Variants in ASZ1 observed in about 807,000 individuals in gnomAD.
ASZ1 encodes the protein ankyrin repeat, SAM and basic leucine zipper domain-containing protein 1.
ASZ1 carries 67 observed loss-of-function variants against 61.8 expected under a neutral mutation model. That is an observed-to-expected ratio of 1.08 (90% CI 0.89 to 1.33). The LOEUF (loss-of-function observed/expected upper bound fraction) is 1.33. ASZ1 is among the 40% of genes most tolerant of loss of function. The pLI, the probability that ASZ1 is intolerant of heterozygous loss-of-function variation, is 0.00. For missense variants in ASZ1, 577 were observed against 554.5 expected (o/e 1.04, Z -0.41); for synonymous variants, 193 against 192.7 (o/e 1.00, Z -0.01).
chr7:117,368,456 T>C (rs1795985900), intron 11 of ASZ1, 156 bp downstream of exon 11: 7 of 1,377,228 alleles, frequency 5.1e-6, no homozygotes, highest in Non-Finnish European at 6.5e-6. Context: ...AAAGGAGTAA[T>C]ATTAAACAAA....
chr7:117,397,603 G>A (rs182890226), intron 4 of ASZ1, among the ~76,000 whole-genome samples: 10 of 152,298 alleles, frequency 6.6e-5, no homozygotes, highest in Admixed American at 6.5e-4. Flanking sequence ...CTGGAGAATA[G>A]GGTCTGAAGG....
At chr7:117,371,665 C>T (rs1440700066) in intron 10 of ASZ1, among the ~76,000 whole-genome samples, 1 of 152,014 alleles carries the variant, frequency 6.6e-6, no homozygotes, top group Non-Finnish European at 1.5e-5. Context: ...TATATAAGTA[C>T]ACTTATAACT....
chr7:117,380,140 C>A, intron 9 of ASZ1, 93 bp from the exon 10 acceptor site: 1 of 791,574 alleles, frequency 1.3e-6, no homozygotes, highest in Non-Finnish European at 2.0e-6. Flanking sequence ...GATGAATTCA[C>A]ATCTTGAAAA....
Position 117,426,908 on chromosome 7 carries a change from C to T in ASZ1, c.133G>A (p.Glu45Lys), listed in dbSNP as rs767720604. The change falls in exon 2 of 13, where the codon GAA becomes AAA. Residue 45 changes from glutamate to lysine, a missense_variant. By Grantham distance (56) the Glu-to-Lys change is moderately conservative. Transcript: ENST00000284629. ...QKLKRLLPIEEKKEKFKKAMT... is the reference protein window; with the variant it reads ...QKLKRLLPIEKKKEKFKKAMT... ...GCTTTCTTAAATTTTTCTTTCTTTT[C>T]TTCAATGGGTAATAGCCTTTTCAAT... 2.5e-6 allele frequency: 4 copies of T among 1,612,770 alleles called. No homozygotes were observed. The highest frequency in any genetic ancestry group is 3.4e-6 in the Non-Finnish European group (4 of 1,179,652).
chr7:117,411,255 C>CTA (rs539944592), intron 4 of ASZ1, among the ~76,000 whole-genome samples: 200 of 151,864 alleles, frequency 1.3e-3, no homozygotes, highest in African/African-American at 4.7e-3. Flanking sequence ...CCTAAGATAT[C>CTA]TATCATTGTT....
At chr7:117,395,448 A>T (rs1383840323) in intron 4 of ASZ1, among the ~76,000 whole-genome samples, 1 of 152,230 alleles carries the variant, frequency 6.6e-6, no homozygotes, top group African/African-American at 2.4e-5. Flanking sequence ...ATATATTTAG[A>T]TTTTTAAAAA....
chr7:117,391,754 G>T (rs1350070505), intron 4 of ASZ1, among the ~76,000 whole-genome samples: 2 of 151,996 alleles, frequency 1.3e-5, no homozygotes, highest in African/African-American at 4.8e-5. Flanking sequence ...TTTTTGCTTA[G>T]AATTGCTTTG....
intron 6 of ASZ1, among the ~76,000 whole-genome samples, chr7:117,383,575 A>G (rs1013733973): frequency 1.3e-5 from 2 of 152,024 alleles, no homozygotes; most frequent in African/African-American, 4.8e-5. Flanking sequence ...AATGAGCATG[A>G]CTAAATGTAT....
intron 10 of ASZ1, among the ~76,000 whole-genome samples, chr7:117,372,248 G>C (rs946015470): frequency 6.6e-6 from 1 of 152,294 alleles, no homozygotes; most frequent in Admixed American, 6.5e-5. Flanking sequence ...ACTAGTACCA[G>C]TCCCCCGATC....
intron 10 of ASZ1, 30 bp downstream of exon 10, chr7:117,379,908 T>G: frequency 5.0e-6 from 7 of 1,389,432 alleles, no homozygotes; most frequent in Non-Finnish European, 7.1e-6. Flanking sequence ...TTAACACTAT[T>G]AATAATATAA....
At chr7:117,410,340 G>GT (rs1398766281) in intron 4 of ASZ1, among the ~76,000 whole-genome samples, 1 of 151,688 alleles carries the variant, frequency 6.6e-6, no homozygotes, top group African/African-American at 2.4e-5. Flanking sequence ...GAAGCTTATA[G>GT]TAACAGGACT....
In ASZ1 at chr7:117,363,617, C is replaced by T. The variant is rs1206034433; in HGVS notation, c.1407G>A (p.Lys469=). The change falls in exon 13 of 13, where the codon AAG becomes AAA. Residue 469 remains lysine, a synonymous_variant. Coordinates refer to ENST00000284629, the MANE Select transcript of ASZ1 (RefSeq NM_130768.3). ...TGGATTATTTCCTCTGGAAAGTTAGCTTGCAAATGAAAAGAAGAAAACCGA... is the reference window on the plus strand; with the variant it reads ...TGGATTATTTCCTCTGGAAAGTTAGTTTGCAAATGAAAAGAAGAAAACCGA... The part of the protein sequence containing the change: ...CGFGFLLFIC[K]LTFQRK 3.1e-6 allele frequency: 5 copies of T among 1,598,898 alleles called. No individual in the cohort carries two copies. Among genetic ancestry groups the T allele is most frequent in the Non-Finnish European group, 4.3e-6 (5 of 1,173,956 alleles).
chr7:117,392,734 T>C (rs2116487082), intron 4 of ASZ1, among the ~76,000 whole-genome samples: 1 of 152,206 alleles, frequency 6.6e-6, no homozygotes, highest in East Asian at 1.9e-4. Context: ...CTGAGGAAAT[T>C]TCCTCTGTGC....
intron 4 of ASZ1, among the ~76,000 whole-genome samples, chr7:117,403,915 T>C (rs1339167730): frequency 6.6e-6 from 1 of 152,136 alleles, no homozygotes; most frequent in Non-Finnish European, 1.5e-5. Context: ...ACGAACCCTA[T>C]TGTGAACTGC....
At chr7:117,402,724 C>G (rs1263354384) in intron 4 of ASZ1, among the ~76,000 whole-genome samples, 1 of 152,180 alleles carries the variant, frequency 6.6e-6, no homozygotes, top group Non-Finnish European at 1.5e-5. Flanking sequence ...TTAAGAAGGT[C>G]TGCAACTGCT....
intron 5 of ASZ1, among the ~76,000 whole-genome samples, chr7:117,385,308 G>A (rs2116474158): frequency 6.6e-6 from 1 of 151,902 alleles, no homozygotes; most frequent in African/African-American, 2.4e-5. Flanking sequence ...TGCCCAGGCT[G>A]AAGTGCAGTG....
intron 4 of ASZ1, among the ~76,000 whole-genome samples, chr7:117,412,249 T>C (rs1796911256): frequency 6.6e-6 from 1 of 151,884 alleles, no homozygotes; most frequent in African/African-American, 2.4e-5. Context: ...TAATATCTTA[T>C]GACAAAATGT....
chr7:117,390,522 G>A (rs1191503651), intron 4 of ASZ1, among the ~76,000 whole-genome samples: 1 of 152,088 alleles, frequency 6.6e-6, no homozygotes, highest in Non-Finnish European at 1.5e-5. Context: ...CTTTTTGGTA[G>A]AATGGTTTAT....
chr7:117,384,872 G>C lies in ASZ1; in HGVS notation c.553-12C>G. On this transcript the variant is annotated splice_polypyrimidine_tract_variant and intron_variant, in intron 5 of 12. Coordinates refer to ENST00000284629, the MANE Select transcript of ASZ1 (RefSeq NM_130768.3). ...GCCCACGTTAAAGCCTGTAAGTAGG[G>C]GGAAAAGAAGATTGTTTAAAGAGAA... The C allele has an allele frequency of 6.4e-7, 1 of 1,551,514 alleles. No homozygotes were observed. Among genetic ancestry groups the C allele is most frequent in the Non-Finnish European group, 8.6e-7 (1 of 1,156,492 alleles).
Sources: allele counts gnomAD v4.1 joint callset (sites outside exome capture counted in the v4.1 genomes callset), GRCh38; gene constraint gnomAD v4.1.1; transcripts MANE v1.5; gene names NCBI Gene and HGNC (gene_info 2026-07-23, HGNC 2026-07-21).